Variants in A2M observed in about 807,000 individuals in gnomAD.
A2M encodes C3 and PZP-like alpha-2-macroglobulin domain-containing protein 5.
A neutral mutation model predicts 183.9 loss-of-function variants in A2M; 128 were observed. That is an observed-to-expected ratio of 0.70 (90% CI 0.60 to 0.81). A2M has a LOEUF of 0.81. A2M is among the 30% of genes least tolerant of loss of function. The pLI is 0.00. For synonymous variants in A2M, 592 were observed against 670.8 expected (o/e 0.88, Z 1.81); for missense variants, 1,495 against 1,787.6 (o/e 0.84, Z 2.95).
chr12:9,080,071 TC>T, intron 23 of A2M, 22 bp downstream of exon 23: 1 of 1,495,896 alleles, frequency 6.7e-7, no homozygotes, highest in Non-Finnish European at 9.1e-7. Context: ...AATGCCCGGA[TC>T]CACTAGGGGC....
chr12:9,107,759 T>C, intron 7 of A2M, 115 bp from the exon 8 acceptor site: 1 of 1,238,458 alleles, frequency 8.1e-7, no homozygotes, highest in Non-Finnish European at 1.1e-6. Flanking sequence ...TTCCCTCTGC[T>C]CTCTGCTGGG....
At chr12:9,095,730 A>G in intron 15 of A2M, 30 bp from the exon 16 acceptor site, 1 of 1,160,948 alleles carries the variant, frequency 8.6e-7, no homozygotes, top group South Asian at 1.5e-5. Context: ...AAAAAGGCAA[A>G]CTTATTTGTG....
At chr12:9,096,369 G>A (rs1949381455) in intron 15 of A2M, among the ~76,000 whole-genome samples, 1 of 152,182 alleles carries the variant, frequency 6.6e-6, no homozygotes, top group Admixed American at 6.5e-5. Flanking sequence ...ACAAAGCTTT[G>A]AGATGATAGA....
At chr12:9,068,054 A>G in intron 35 of A2M, 129 bp downstream of exon 35, 2 of 1,154,964 alleles carry the variant, frequency 1.7e-6, no homozygotes, top group Non-Finnish European at 1.2e-6. Context: ...GTGTTTTTCT[A>G]TAATAATGTG....
intron 31 of A2M, 64 bp downstream of exon 31, chr12:9,072,295 G>C: frequency 6.4e-7 from 1 of 1,571,926 alleles, no homozygotes; most frequent in Non-Finnish European, 8.7e-7. Context: ...TACTTAAAGA[G>C]GAGTTCCCGA....
chr12:9,093,569 T>C lies in A2M; in HGVS notation c.2136A>G (p.Val712=). Residue 712 remains valine (V), a synonymous_variant, in exon 18 of 36, where the codon GTA becomes GTG. Coordinates refer to ENST00000318602, the MANE Select transcript of A2M (RefSeq NM_000014.6). ...CCAGGCGTGCATGGCCTCTTCCCAT[T>C]ACATCTGACTCTATGGTGAGTGAGG... is the stretch of plus-strand genomic sequence containing the variant. ...GLRVGFYESD[V]MGRGHARLVH... 1.9e-6 allele frequency: 3 copies of C among 1,591,998 alleles called. No homozygotes were observed. The highest frequency in any genetic ancestry group is 2.6e-6 in the Non-Finnish European group (3 of 1,169,022).
At chr12:9,074,917 C>T in intron 28 of A2M, 134 bp from the exon 29 acceptor site, 1 of 978,212 alleles carries the variant, frequency 1.0e-6, no homozygotes, top group East Asian at 2.6e-5. Flanking sequence ...AGATGCTTTT[C>T]CCTTCATGTA....
chr12:9,095,447 T>C, intron 16 of A2M, 92 bp downstream of exon 16: 1 of 1,259,056 alleles, frequency 7.9e-7, no homozygotes. Flanking sequence ...TACCCTCAAC[T>C]AGGACATGAA....
intron 15 of A2M, among the ~76,000 whole-genome samples, chr12:9,096,132 T>C (rs796251739): frequency 1.7e-4 from 26 of 152,300 alleles, no homozygotes; most frequent in African/African-American, 5.8e-4. Flanking sequence ...AGCGCTCTCA[T>C]TGCTTTGATG....
chr12:9,110,850 G>A (rs1938672787), intron 4 of A2M, among the ~76,000 whole-genome samples: 1 of 152,044 alleles, frequency 6.6e-6, no homozygotes, highest in African/African-American at 2.4e-5. Context: ...ATAATGTTAA[G>A]AACTTACTAG....
In A2M at chr12:9,098,626, G is replaced by A. The variant is rs1949458264; in HGVS notation, c.1832C>T (p.Ala611Val). The change falls in exon 15 of 36, where the codon GCT becomes GTT. Residue 611 changes from alanine to valine, a missense_variant. Physicochemically the swap from Ala to Val is moderately conservative, Grantham distance 64. Transcript: ENST00000318602. ...DQSVLLMKPD[A>V]ELSASSVYNL... ...ACTCACCGAGGACGCCGAGAGCTCA[G>A]CATCAGGCTTCATGAGCAGCACGCT... is the stretch of plus-strand genomic sequence containing the variant. 3.1e-6 allele frequency: 5 copies of A among 1,606,210 alleles called. No homozygotes were observed. The highest frequency in any genetic ancestry group is 4.2e-6 in the Non-Finnish European group (5 of 1,176,704).
intron 7 of A2M, among the ~76,000 whole-genome samples, chr12:9,108,800 A>G (rs769790988): frequency 3.3e-5 from 5 of 152,314 alleles, no homozygotes; most frequent in Middle Eastern, 3.4e-3. Context: ...GCAGACAGGT[A>G]TGTAGACCCG....
chr12:9,113,399 C>T lies in A2M; in HGVS notation c.231G>A (p.Leu77=). 6.2e-7 allele frequency: 1 copy of T among 1,613,698 alleles called. No individual in the cohort carries two copies. The highest frequency in any genetic ancestry group is 1.3e-5 in the African/African-American group (1 of 74,886). ...VRGNRSLFTD[L]EAENDVLHCV... ...AGTGGAGTACGTCATTCTCCGCCTC[C>T]AGGTCAGTGAAGAGGCTCCTGTTTC... Residue 77 remains leucine (L), a synonymous_variant, in exon 2 of 36, where the codon CTG becomes CTA. Transcript: ENST00000318602.
At chr12:9,069,923 A>G (rs1489511866) in intron 32 of A2M, 110 bp from the exon 33 acceptor site, 1 of 905,228 alleles carries the variant, frequency 1.1e-6, no homozygotes, top group Non-Finnish European at 1.8e-6. Flanking sequence ...GAATTCTTCA[A>G]ATGCTTTTTG....
At chr12:9,099,575 C>T in intron 13 of A2M, 52 bp from the exon 14 acceptor site, 1 of 1,553,738 alleles carries the variant, frequency 6.4e-7, no homozygotes. Flanking sequence ...TGACTATTTC[C>T]ATTAGTAGAT....
At chr12:9,095,968 C>G (rs1335534937) in intron 15 of A2M, among the ~76,000 whole-genome samples, 1 of 150,884 alleles carries the variant, frequency 6.6e-6, no homozygotes, top group Non-Finnish European at 1.5e-5. Flanking sequence ...ACCTTGTTAG[C>G]CAGGATGGTC....
At chr12:9,080,787 A>G (rs146371652) in intron 22 of A2M, among the ~76,000 whole-genome samples, 1,572 of 152,296 alleles carry the variant, frequency 0.01, 34 homozygotes, top group African/African-American at 0.036. Flanking sequence ...ATCTTGGTAA[A>G]TTATATGAAA....
chr12:9,092,349 A>G (rs1276931175), intron 18 of A2M, among the ~76,000 whole-genome samples: 1 of 152,162 alleles, frequency 6.6e-6, no homozygotes, highest in Non-Finnish European at 1.5e-5. Flanking sequence ...GAGTCTCCCT[A>G]GACCACAGTG....
Position 9,109,301 on chromosome 12 carries a change from T to A in A2M, c.758+20A>T, listed in dbSNP as rs1293340670. 6.3e-7 allele frequency: 1 copy of A among 1,587,836 alleles called. No individual in the cohort carries two copies. Among genetic ancestry groups the A allele is most frequent in the East Asian group, 2.2e-5 (1 of 44,720 alleles). ...CTTTTAAATAATCCCCCACAAAAGA[T>A]TTTTAAAAAATGAACTCACAGGCCA... On this transcript the variant is annotated intron_variant, in intron 7 of 35. Coordinates refer to ENST00000318602, the MANE Select transcript of A2M (RefSeq NM_000014.6).
Sources: allele counts gnomAD v4.1 joint callset (sites outside exome capture counted in the v4.1 genomes callset), GRCh38; gene constraint gnomAD v4.1.1; transcripts MANE v1.5; gene names NCBI Gene and HGNC (gene_info 2026-07-23, HGNC 2026-07-21).